Variants in SVIL observed in about 807,000 individuals in gnomAD.
SVIL encodes the protein archvillin.
Under a neutral mutation model 240.4 loss-of-function variants are expected in SVIL, and 101 were observed. That is an observed-to-expected ratio of 0.42 (90% confidence interval 0.36 to 0.50). The LOEUF (loss-of-function observed/expected upper bound fraction) is 0.50, where lower values mean the gene tolerates loss of function less well. Among genes scored for constraint, SVIL ranks in the 20% least tolerant of loss-of-function variants. SVIL has a pLI of 0.01. For missense variants in SVIL, 2,512 were observed against 2,818.7 expected (o/e 0.89, Z 2.46); for synonymous variants, 999 against 1,100.0 (o/e 0.91, Z 1.82).
chr10:29,662,431 G>C (rs1483878993), intron 2 of SVIL, among the ~76,000 whole-genome samples: 1 of 152,204 alleles, frequency 6.6e-6, no homozygotes, highest in Non-Finnish European at 1.5e-5. Context: ...AATCATTATT[G>C]TTATTTGAAC....
chr10:29,686,669 T>TA (rs1207917477), intron 1 of SVIL: 1 of 152,168 alleles, frequency 6.6e-6, no homozygotes, highest in African/African-American at 2.4e-5. Context: ...AGAAAAGTTT[T>TA]AAAAAAATCA....
intron 17 of SVIL, among the ~76,000 whole-genome samples, chr10:29,500,751 A>T (rs757169049): frequency 2.0e-5 from 3 of 152,194 alleles, no homozygotes; most frequent in Non-Finnish European, 2.9e-5. Context: ...CCTCGCGCTG[A>T]CACAGGGAAG....
At chr10:29,693,478 A>C (rs188856380) in intron 1 of SVIL, among the ~76,000 whole-genome samples, 20 of 152,320 alleles carry the variant, frequency 1.3e-4, no homozygotes, top group Admixed American at 5.9e-4. Flanking sequence ...TCTTCAAATA[A>C]AAAATTTAAA....
intron 1 of SVIL, among the ~76,000 whole-genome samples, chr10:29,724,275 T>A (rs1389816592): frequency 1.3e-5 from 2 of 150,760 alleles, no homozygotes; most frequent in East Asian, 3.9e-4. Flanking sequence ...TATAACTAAC[T>A]TGTGACTTCT....
At chr10:29,555,153 G>A (rs991952666) in intron 3 of SVIL, 45 bp from the exon 4 acceptor site, 57 of 1,515,932 alleles carry the variant, frequency 3.8e-5, no homozygotes, top group Admixed American at 3.5e-4. Context: ...TTTAGTAGTC[G>A]TGCGCTCATT....
Position 29,523,911 on chromosome 10 carries a change from G to T in SVIL, c.2703C>A (p.Asp901Glu), listed in dbSNP as rs927408267. 7.4e-6 allele frequency: 12 copies of T among 1,614,198 alleles called. No individual in the cohort carries two copies. The highest frequency in any genetic ancestry group is 9.3e-6 in the Non-Finnish European group (11 of 1,180,046). The change falls in exon 15 of 38, where the codon GAC (aspartate) becomes GAA (glutamate). Residue 901 changes from aspartate (D) to glutamate (E), a missense_variant. Physicochemically the swap from Asp to Glu is conservative, Grantham distance 45 (BLOSUM62 2). Transcript: ENST00000355867. ...AGDLRTKPPLDHNASATDYKF... is the reference protein window; with the variant it reads ...AGDLRTKPPLEHNASATDYKF... ...TATAGTCAGTGGCACTTGCATTGTGGTCAAGAGGTGGCTTTGTGCGAAGAT... is the reference window on the plus strand; with the variant it reads ...TATAGTCAGTGGCACTTGCATTGTGTTCAAGAGGTGGCTTTGTGCGAAGAT...
At chr10:29,725,028 C>CAAA (rs1187861054) in intron 1 of SVIL, among the ~76,000 whole-genome samples, 441 of 40,676 alleles carry the variant, frequency 0.011, 32 homozygotes, top group African/African-American at 0.021. Context: ...GACCCGGTCT[C>CAAA]AAAAAAAAAA....
intron 1 of SVIL, among the ~76,000 whole-genome samples, chr10:29,711,354 C>G (rs1231546954): frequency 1.1e-4 from 17 of 152,150 alleles, no homozygotes; most frequent in Non-Finnish European, 1.5e-5. Context: ...GTGGTGAGAT[C>G]GTGCCACTGC....
intron 1 of SVIL, among the ~76,000 whole-genome samples, chr10:29,571,874 T>C (rs1451437896): frequency 1.3e-5 from 2 of 152,150 alleles, no homozygotes; most frequent in African/African-American, 4.8e-5. Context: ...TGTTTGGTGA[T>C]GGAGCTATGG....
chr10:29,533,156 G>A lies in SVIL; in HGVS notation c.1211C>T (p.Pro404Leu). The change falls in exon 8 of 38, where the codon CCT (proline) becomes CTT (leucine). Residue 404 changes from proline (P) to leucine (L), a missense_variant. Pro to Leu is a moderately conservative substitution (Grantham distance 98). Around this residue, in one of 3 missense-constraint regions of SVIL, gnomAD observed 1,443 missense variants for 1,486.6 expected, o/e 0.97. Transcript: ENST00000355867. The stretch of plus-strand genomic sequence containing the variant: ...ACCTTCTAGAACCGTCAAGCTGGGA[G>A]GTTTGGGGACATTCTGGGTGGCTGA... ...VASATQNVPK[P>L]PSLTVLEGDG... 6.2e-7 allele frequency: 1 copy of A among 1,614,156 alleles called. No homozygotes were observed. Among genetic ancestry groups the A allele is most frequent in the South Asian group, 1.1e-5 (1 of 91,088 alleles).
At chr10:29,605,842 A>T (rs1957000866) in intron 1 of SVIL, among the ~76,000 whole-genome samples, 1 of 151,806 alleles carries the variant, frequency 6.6e-6, no homozygotes, top group African/African-American at 2.4e-5. Flanking sequence ...ATTTTAAATC[A>T]GTTGGAAAGG....
intron 11 of SVIL, 44 bp downstream of exon 11, chr10:29,530,563 G>A (rs1248854089): frequency 6.2e-7 from 1 of 1,608,968 alleles, no homozygotes; most frequent in South Asian, 1.1e-5. Flanking sequence ...TGGGATTACT[G>A]CACCCAGTAG....
intron 34 of SVIL, 127 bp downstream of exon 34, chr10:29,465,468 G>C: frequency 8.3e-7 from 1 of 1,198,336 alleles, no homozygotes; most frequent in Non-Finnish European, 1.1e-6. Context: ...GTAAGCACAT[G>C]TTCTGGGTGC....
chr10:29,661,749 G>A (rs756829868), intron 2 of SVIL, among the ~76,000 whole-genome samples: 8 of 152,218 alleles, frequency 5.3e-5, no homozygotes, highest in Non-Finnish European at 1.0e-4. Context: ...TGGTGCCCAT[G>A]GAGGTGCTCA....
At chr10:29,538,116 T>G (rs1438681511) in intron 6 of SVIL, among the ~76,000 whole-genome samples, 2 of 152,212 alleles carry the variant, frequency 1.3e-5, no homozygotes, top group African/African-American at 4.8e-5. Context: ...CTATAACGAA[T>G]CTGCCGCCTT....
Position 29,707,118 on chromosome 10 carries a change from C to T in SVIL, c.-399-20467G>A, listed in dbSNP as rs532275183. On this transcript the variant is annotated intron_variant, in intron 1 of 35. Transcript: ENST00000375400. The stretch of plus-strand genomic sequence containing the variant: ...TTTGCTTAGGATTATCTTGCCTATA[C>T]GGGCTCTTTTTTGGTTCCATGTAAA... Among the ~76,000 whole-genome samples, 52 of 152,180 alleles carry T rather than the reference C, an allele frequency of 3.4e-4. 1 individual carries two copies. Among genetic ancestry groups the T allele is most frequent in the African/African-American group, 1.1e-3 (46 of 41,524 alleles).
At chr10:29,473,752 T>C (rs1945850348) in intron 30 of SVIL, 86 bp downstream of exon 30, 1 of 1,570,468 alleles carries the variant, frequency 6.4e-7, no homozygotes, top group African/African-American at 1.4e-5. Context: ...CAGAATCATG[T>C]TGGGAGGGAC....
chr10:29,541,250 A>G (rs779828346), intron 6 of SVIL, among the ~76,000 whole-genome samples: 11 of 152,240 alleles, frequency 7.2e-5, no homozygotes, highest in Non-Finnish European at 1.2e-4. Context: ...TTTATACAAC[A>G]TAATGAGTTG....
intron 16 of SVIL, among the ~76,000 whole-genome samples, chr10:29,518,126 G>A (rs1004244418): frequency 6.6e-5 from 10 of 152,178 alleles, no homozygotes; most frequent in East Asian, 1.9e-4. Flanking sequence ...TGGTGATCAC[G>A]TCTGCAATCC....
Sources: gnomAD v4.1 joint callset for allele counts (sites outside exome capture counted in the v4.1 genomes callset) on GRCh38, gnomAD v4.1.1 for gene constraint, gnomAD v4.1.1 regional missense constraint, MANE v1.5 for transcripts, NCBI Gene and HGNC (gene_info 2026-07-23, HGNC 2026-07-21) for gene names.